The following CIDEC variants were observed in gnomAD, a reference collection of about 807,000 sequenced individuals.
The protein encoded by CIDEC is cell death inducing DFFA like effector c.
CIDEC carries 11 observed loss-of-function variants against 21.9 expected under a neutral mutation model. The observed-to-expected ratio is 0.50, with a 90% CI of 0.32 to 0.83. The LOEUF (loss-of-function observed/expected upper bound fraction) is 0.83, where lower values mean the gene tolerates loss of function less well. Ranked by LOEUF, CIDEC falls within the 40% of genes least tolerant of loss-of-function variation. The pLI is 0.04. For missense variants in CIDEC, 302 were observed against 302.3 expected, an observed-to-expected ratio of 1.00 and a Z score of 0.01; for synonymous variants, 127 against 124.9, an observed-to-expected ratio of 1.02 and a Z score of -0.11.
chr3:9,868,317 G>A (rs1308230363), intron 6 of CIDEC, among the ~76,000 whole-genome samples: 1 of 152,212 alleles, frequency 6.6e-6, no homozygotes, highest in African/African-American at 2.4e-5. Flanking sequence ...TCTAGACTCT[G>A]AGGCCTGTCC....
chr3:9,872,965 G>A (rs1254278038), intron 4 of CIDEC, among the ~76,000 whole-genome samples: 1 of 152,154 alleles, frequency 6.6e-6, no homozygotes, highest in Non-Finnish European at 1.5e-5. Context: ...CTCCAGCCTG[G>A]GTGACAGAGG....
intron 4 of CIDEC, among the ~76,000 whole-genome samples, chr3:9,875,954 A>G (rs2125050679): frequency 6.6e-6 from 1 of 152,364 alleles, no homozygotes; most frequent in Non-Finnish European, 1.5e-5. Context: ...TTGAAAGCAC[A>G]AGAAATGTAG....
chr3:9,877,956 C>G (rs1055217807), intron 3 of CIDEC: 1 of 172,254 alleles, frequency 5.8e-6, no homozygotes, highest in African/African-American at 2.4e-5. Flanking sequence ...GTGGGGGAAG[C>G]CTGAAGTCAA....
rs1418902123 is a variant in CIDEC, at chr3:9,877,206, G to A, written c.67C>T (p.Arg23Cys). 8.4e-6 allele frequency: 13 copies of A among 1,550,212 alleles called. No individual in the cohort carries two copies. Among genetic ancestry groups the A allele is most frequent in the Admixed American group, 2.0e-5 (1 of 50,992 alleles). The part of the protein sequence containing the change: ...PKSLSRHVSV[R>C]TSVVTQQLLS... ...AGCTGCTGGGTCACCACAGAGGTAC[G>A]CACTGACACATGCCTGGGGCAGTTG... Residue 23 changes from arginine (R) to cysteine (C), a missense_variant, in exon 4 of 7, where the codon CGT becomes TGT. Physicochemically the swap from Arg to Cys is radical, Grantham distance 180 (BLOSUM62 -3). Coordinates refer to ENST00000336832, the MANE Select transcript of CIDEC (RefSeq NM_001321142.2).
chr3:9,874,771 C>T (rs2082397360), intron 4 of CIDEC, among the ~76,000 whole-genome samples: 1 of 152,094 alleles, frequency 6.6e-6, no homozygotes, highest in African/African-American at 2.4e-5. Context: ...CGCTCTGTCA[C>T]ACAGGCTGCA....
intron 3 of CIDEC, 132 bp from the exon 4 acceptor site, chr3:9,877,351 C>T: frequency 1.1e-6 from 1 of 887,184 alleles, no homozygotes; most frequent in Admixed American, 2.0e-5. Context: ...GCTAATCCTG[C>T]CCTAGTCTTA....
rs758500273 is a variant in CIDEC, at chr3:9,870,194, C to G, written c.336G>C (p.Lys112Asn). 1 of 1,614,192 alleles carries G rather than the reference C, an allele frequency of 6.2e-7. No homozygotes were observed. Among genetic ancestry groups the G allele is most frequent in the Non-Finnish European group, 8.5e-7 (1 of 1,180,024 alleles). ...AGDTVFMVLQ[K>N]GQKWQPPSEQ... ...CTGATGGGGGCTGCCATTTCTGCCC[C>G]TTCTGGAGGACCATGAACACTGTAT... Residue 112 changes from lysine (K) to asparagine (N), a missense_variant, in exon 5 of 7, where the codon AAG becomes AAC. Coordinates refer to ENST00000336832, the MANE Select transcript of CIDEC (RefSeq NM_001321142.2).
At chr3:9,878,340 T>C (rs1365980013) in intron 3 of CIDEC, 94 bp downstream of exon 3, 7 of 950,076 alleles carry the variant, frequency 7.4e-6, no homozygotes, top group Non-Finnish European at 1.2e-5. Flanking sequence ...TTGAACAAGG[T>C]CCCCTGTGAC....
chr3:9,872,755 A>G lies in CIDEC; in HGVS notation c.208-2433T>C, dbSNP rs376217976. Among the ~76,000 whole-genome samples the G allele has an allele frequency of 2.6e-5, 4 of 152,220 alleles. No homozygotes were observed. In the South Asian group the frequency reaches 8.3e-4, roughly 32 times the overall value. ...GTAATCCTAGCACTTTAGGAGGCAA[A>G]GTCAGGTGGATCACCTGAGGTCAAG... On this transcript the variant is annotated intron_variant, in intron 4 of 6. Coordinates refer to ENST00000336832, the MANE Select transcript of CIDEC (RefSeq NM_001321142.2).
At chr3:9,870,748 T>A (rs557174354) in intron 4 of CIDEC, among the ~76,000 whole-genome samples, 113 of 152,270 alleles carry the variant, frequency 7.4e-4, no homozygotes, top group African/African-American at 2.6e-3. Context: ...CAAGCAATCC[T>A]CCTGCCTCAG....
chr3:9,875,778 G>A (rs1310251470), intron 4 of CIDEC, among the ~76,000 whole-genome samples: 1 of 152,220 alleles, frequency 6.6e-6, no homozygotes, highest in Non-Finnish European at 1.5e-5. Context: ...AATGATTCAG[G>A]CAAAGTTTTG....
chr3:9,879,221 T>C (rs1179263928), intron 1 of CIDEC, among the ~76,000 whole-genome samples, 167 bp from the exon 2 acceptor site: 1 of 143,442 alleles, frequency 7.0e-6, no homozygotes, highest in Non-Finnish European at 1.5e-5. Flanking sequence ...GGGGCGATCT[T>C]GCTCACTACA....
chr3:9,877,694 C>T (rs2082446572), intron 3 of CIDEC, among the ~76,000 whole-genome samples: 1 of 152,112 alleles, frequency 6.6e-6, no homozygotes, highest in Admixed American at 6.6e-5. Context: ...TAAAAAAAGC[C>T]TGCTAGAGCA....
chr3:9,878,338 G>T, intron 3 of CIDEC, 96 bp downstream of exon 3: 2 of 939,824 alleles, frequency 2.1e-6, no homozygotes, highest in South Asian at 1.3e-5. Context: ...ACTTGAACAA[G>T]GTCCCCTGTG....
chr3:9,874,518 AAATAATAATAATAATAAT>A (rs56760493), intron 4 of CIDEC, among the ~76,000 whole-genome samples: 6 of 144,126 alleles, frequency 4.2e-5, no homozygotes, highest in South Asian at 2.2e-4. Context: ...CCTTTCTCTA[AAATAATAATAATAATAAT>A]AATAATAATA....
chr3:9,870,132 TCC>T (rs1037722997), intron 5 of CIDEC, 30 bp downstream of exon 5: 5 of 1,613,898 alleles, frequency 3.1e-6, no homozygotes, highest in Middle Eastern at 1.6e-4. Context: ...CCCGATTTTC[TCC>T]CCCATCAGGT....
At chr3:9,872,657 CTG>C (rs1559250099) in intron 4 of CIDEC, among the ~76,000 whole-genome samples, 2 of 151,572 alleles carry the variant, frequency 1.3e-5, no homozygotes, top group African/African-American at 4.9e-5. Context: ...ATTTTGTGGG[CTG>C]TGTTTTTTAC....
chr3:9,876,781 A>AAC (rs2082429392), intron 4 of CIDEC, among the ~76,000 whole-genome samples: 1 of 145,284 alleles, frequency 6.9e-6, no homozygotes, highest in Non-Finnish European at 1.5e-5. Flanking sequence ...AAAAAAAAAA[A>AAC]AAACTAATGG....
At position 9,873,098 on chromosome 3, in the gene CIDEC, G is replaced by T. The variant is rs571617950; in HGVS notation, c.208-2776C>A. ...TGGTTTGTTTTGGTTTTGTTTTTTTGTTTGTTTGTTTTTCCCTTTGGTCGC... is the reference window on the plus strand; with the variant it reads ...TGGTTTGTTTTGGTTTTGTTTTTTTTTTTGTTTGTTTTTCCCTTTGGTCGC... On this transcript the variant is annotated intron_variant, in intron 4 of 6. Transcript: ENST00000336832. Among the ~76,000 whole-genome samples the T allele has an allele frequency of 5.9e-5, 9 of 151,820 alleles. No individual in the cohort carries two copies. The South Asian group carries it at 1.0e-3, about 18-fold the overall frequency.
Sources: allele counts gnomAD v4.1 joint callset (sites outside exome capture counted in the v4.1 genomes callset), GRCh38; gene constraint gnomAD v4.1.1; transcripts MANE v1.5; gene names NCBI Gene and HGNC (gene_info 2026-07-23, HGNC 2026-07-21).